Variants in ZMAT2 observed in about 807,000 individuals in gnomAD.
ZMAT2 encodes zinc finger matrin-type protein 2.
ZMAT2 carries 5 observed loss-of-function variants against 27.5 expected under a neutral mutation model. The ratio of observed to expected loss-of-function variants is 0.18; its 90% confidence interval spans 0.10 to 0.38. ZMAT2 has a LOEUF of 0.38. Among genes scored for constraint, ZMAT2 ranks in the 10% least tolerant of loss-of-function variants. The probability of loss-of-function intolerance (pLI) is 1.00; values close to 1 mark genes in which losing one functional copy is unlikely to be tolerated. For synonymous variants in ZMAT2, 76 were observed against 78.6 expected, an observed-to-expected ratio of 0.97 and a Z score of 0.17; for missense variants, 124 against 243.9, an observed-to-expected ratio of 0.51 and a Z score of 3.27.
At chr5:140,704,801 T>G (rs1213601052) in intron 5 of ZMAT2, among the ~76,000 whole-genome samples, 1 of 140,754 alleles carries the variant, frequency 7.1e-6, no homozygotes, top group Non-Finnish European at 1.5e-5. Flanking sequence ...TTTTTTTTTT[T>G]GTAATTTAAA....
chr5:140,701,838 C>T (rs801167), intron 2 of ZMAT2, among the ~76,000 whole-genome samples, 168 bp from the exon 3 acceptor site: 65,394 of 152,050 alleles, frequency 0.43, 14,303 homozygotes, highest in East Asian at 0.46. Context: ...CTTATGATTT[C>T]TTCCTGTGTT....
intron 2 of ZMAT2, among the ~76,000 whole-genome samples, chr5:140,701,122 C>T (rs1400180008): frequency 6.6e-6 from 1 of 152,204 alleles, no homozygotes; most frequent in Admixed American, 6.5e-5. Context: ...CTCTATTTCA[C>T]TCTGCTTCCT....
At chr5:140,703,887 A>G (rs746189880) in intron 3 of ZMAT2, 31 bp from the exon 4 acceptor site, 1 of 1,601,790 alleles carries the variant, frequency 6.2e-7, no homozygotes, top group Admixed American at 1.7e-5. Flanking sequence ...TTAAAACCAT[A>G]TTTGACTCAG....
rs1324622439 is a variant in ZMAT2, at chr5:140,703,485, C to T, written c.237-433C>T. On this transcript the variant is annotated intron_variant, in intron 3 of 5. Transcript: ENST00000274712. ...CCGACCTCAGGTGATCCGCCCGCCTCGGCCTCCCAAAGTGCTGGGATTACA... is the reference window on the plus strand; with the variant it reads ...CCGACCTCAGGTGATCCGCCCGCCTTGGCCTCCCAAAGTGCTGGGATTACA... Among the ~76,000 whole-genome samples, 4 of 152,250 alleles carry T rather than the reference C, an allele frequency of 2.6e-5. No individual in the cohort carries two copies. The South Asian group carries it at 6.2e-4, about 24-fold the overall frequency.
At chr5:140,705,422 ACTG>A (rs1344390800) in intron 5 of ZMAT2, among the ~76,000 whole-genome samples, 188 bp from the exon 6 acceptor site, 1 of 152,038 alleles carries the variant, frequency 6.6e-6, no homozygotes, top group Non-Finnish European at 1.5e-5. Context: ...TCTTCCACTT[ACTG>A]GCTGTGAATC....
intron 3 of ZMAT2, 69 bp downstream of exon 3, chr5:140,702,198 G>A (rs1759974458): frequency 6.3e-7 from 1 of 1,585,026 alleles, no homozygotes; most frequent in Admixed American, 1.7e-5. Flanking sequence ...TTGGTTTTAG[G>A]AAGTGTTAAG....
chr5:140,702,333 TTTCTTCATG>T (rs1363553394), intron 3 of ZMAT2, among the ~76,000 whole-genome samples: 2 of 152,138 alleles, frequency 1.3e-5, no homozygotes, highest in East Asian at 3.9e-4. Context: ...ACTCAGTGGG[TTTCTTCATG>T]TTATTAGCAT....
intron 1 of ZMAT2, 148 bp from the exon 2 acceptor site, chr5:140,700,671 C>G (rs1759943131): frequency 4.7e-6 from 6 of 1,275,086 alleles, no homozygotes; most frequent in Non-Finnish European, 6.5e-6. Flanking sequence ...GGGTTGGGGT[C>G]TTGAGGCTAC....
chr5:140,702,100 C>T lies in ZMAT2; in HGVS notation c.207C>T (p.Thr69=). 1 of 1,613,422 alleles carries T rather than the reference C, an allele frequency of 6.2e-7. No individual in the cohort carries two copies. The highest frequency in any genetic ancestry group is 1.3e-5 in the African/African-American group (1 of 75,028). Residue 69 remains threonine (T), a synonymous_variant, in exon 3 of 6, where the codon ACC becomes ACT. Coordinates refer to ENST00000274712, the MANE Select transcript of ZMAT2 (RefSeq NM_144723.3). ...ESKLGKTIVI[T]KTTPQSEMGG... ...AGCTTGGGAAGACAATTGTCATTAC[C>T]AAGACAACCCCTCAATCTGAGATGG... is the stretch of plus-strand genomic sequence containing the variant.
In ZMAT2 at chr5:140,704,526, G is replaced by A. The variant is rs553376994; in HGVS notation, c.411G>A (p.Gln137=). ...ACAAGAAGAAGATGGAAGAGAAGCAGAAGGATTATGATTTTGAGGAAAGGA... is the reference window on the plus strand; with the variant it reads ...ACAAGAAGAAGATGGAAGAGAAGCAAAAGGATTATGATTTTGAGGAAAGGA... The part of the protein sequence containing the change: ...EVNKKKMEEK[Q]KDYDFEERMK... Residue 137 remains glutamine, a synonymous_variant, in exon 5 of 6, where the codon CAG becomes CAA. Transcript: ENST00000274712. 18 of 1,614,140 alleles carry A rather than the reference G, an allele frequency of 1.1e-5. No homozygotes were observed. The South Asian group carries it at 2.0e-4, about 18-fold the overall frequency.
intron 3 of ZMAT2, among the ~76,000 whole-genome samples, chr5:140,703,570 A>G (rs1270341099): frequency 6.6e-6 from 1 of 152,204 alleles, no homozygotes; most frequent in Non-Finnish European, 1.5e-5. Context: ...CTCACAATAA[A>G]GCAACTGGCT....
chr5:140,701,015 T>C lies in ZMAT2; in HGVS notation c.112+103T>C, dbSNP rs78037710. 617 of 1,128,150 alleles carry C rather than the reference T, an allele frequency of 5.5e-4. 1 individual carries two copies. The African/African-American group carries it at 9.0e-3, about 16-fold the overall frequency. The allele number at this position is 1,128,150 out of a possible 1,614,324, so 69.9% of individuals were successfully genotyped here. Reference sequence around the variant, plus strand: ...CGCTGCCTTCCCACGCGGTGTAAGCTCTGGCAGAGTGCTGCTTCCCTGGGC... The same window carrying C: ...CGCTGCCTTCCCACGCGGTGTAAGCCCTGGCAGAGTGCTGCTTCCCTGGGC... On this transcript the variant is annotated intron_variant, in intron 2 of 5. Transcript: ENST00000274712.
intron 5 of ZMAT2, 132 bp from the exon 6 acceptor site, chr5:140,705,481 A>C: frequency 9.4e-7 from 1 of 1,061,708 alleles, no homozygotes; most frequent in Non-Finnish European, 1.3e-6. Context: ...TCCCCATATT[A>C]GAGATCTTAA....
At position 140,705,818 on chromosome 5, in the gene ZMAT2, G is replaced by A; in HGVS notation, c.*62G>A. 6 of 1,554,978 alleles carry A rather than the reference G, an allele frequency of 3.9e-6. No homozygotes were observed. Among genetic ancestry groups the A allele is most frequent in the Non-Finnish European group, 5.2e-6 (6 of 1,146,724 alleles). ...GACCTAACTTTGCGTGTGTGTGTGT[G>A]TAGTAGGGGGTCATTTCTTTTTGGG... On this transcript the variant is annotated 3_prime_UTR_variant, in exon 6 of 6. Coordinates refer to ENST00000274712, the MANE Select transcript of ZMAT2 (RefSeq NM_144723.3).
At position 140,705,843 on chromosome 5, in the gene ZMAT2, G is replaced by A. The variant is rs1273867025; in HGVS notation, c.*87G>A. The A allele has an allele frequency of 4.6e-6, 7 of 1,528,202 alleles. No homozygotes were observed. The highest frequency in any genetic ancestry group is 1.4e-5 in the African/African-American group (1 of 71,962). The allele number at this position is 1,528,202 out of a possible 1,614,324, so 94.7% of individuals were successfully genotyped here. The stretch of plus-strand genomic sequence containing the variant: ...GTAGTAGGGGGTCATTTCTTTTTGG[G>A]TAATGGGAAAGTTCTTAAGAGTGTC... On this transcript the variant is annotated 3_prime_UTR_variant, in exon 6 of 6. Coordinates refer to ENST00000274712, the MANE Select transcript of ZMAT2 (RefSeq NM_144723.3).
At chr5:140,700,993 T>G in intron 2 of ZMAT2, 81 bp downstream of exon 2, 30 of 1,333,064 alleles carry the variant, frequency 2.3e-5, no homozygotes, top group African/African-American at 5.9e-5. Flanking sequence ...TGAAGTGCGC[T>G]GCCTTCCCAC....
At chr5:140,701,008 T>C (rs1318415080) in intron 2 of ZMAT2, 96 bp downstream of exon 2, 28 of 1,230,356 alleles carry the variant, frequency 2.3e-5, no homozygotes, top group Non-Finnish European at 3.2e-5. Context: ...TCCCACGCGG[T>C]GTAAGCTCTG....
intron 4 of ZMAT2, 47 bp from the exon 5 acceptor site, chr5:140,704,379 G>A (rs546562905): frequency 2.4e-5 from 38 of 1,569,374 alleles, no homozygotes; most frequent in Non-Finnish European, 3.2e-5. Flanking sequence ...TTGAGGGGCT[G>A]AGGATGTTGT....
chr5:140,702,403 A>G (rs1395916977), intron 3 of ZMAT2, among the ~76,000 whole-genome samples: 3 of 152,204 alleles, frequency 2.0e-5, no homozygotes, highest in African/African-American at 7.2e-5. Context: ...TGGGAGGCCA[A>G]GGCAGGAGGA....
Sources: gnomAD v4.1 joint callset for allele counts (sites outside exome capture counted in the v4.1 genomes callset) on GRCh38, gnomAD v4.1.1 for gene constraint, MANE v1.5 for transcripts, NCBI Gene and HGNC (gene_info 2026-07-23, HGNC 2026-07-21) for gene names.